The following ACOXL variants were observed in gnomAD, a reference collection of about 807,000 sequenced individuals.
ACOXL encodes the protein acyl-coenzyme A oxidase-like protein.
Under a neutral mutation model 71.9 loss-of-function variants are expected in ACOXL, and 70 were observed. The observed-to-expected ratio is 0.97, with a 90% CI of 0.80 to 1.19. The LOEUF (loss-of-function observed/expected upper bound fraction) is 1.19, where lower values mean the gene tolerates loss of function less well. Ranked by LOEUF, ACOXL falls within the 50% of genes most tolerant of loss-of-function variation. ACOXL has a pLI of 0.00. For synonymous variants in ACOXL, 253 were observed against 281.6 expected, an observed-to-expected ratio of 0.90 and a Z score of 1.02; for missense variants, 703 against 736.3, an observed-to-expected ratio of 0.95 and a Z score of 0.52.
chr2:110,819,090 T>C (rs1421862126), intron 9 of ACOXL, among the ~76,000 whole-genome samples: 1 of 152,150 alleles, frequency 6.6e-6, no homozygotes, highest in African/African-American at 2.4e-5. Context: ...GGTTTTGACA[T>C]GATGCCACGC....
intron 10 of ACOXL, among the ~76,000 whole-genome samples, chr2:110,898,214 G>A (rs1194035709): frequency 6.6e-6 from 1 of 151,998 alleles, no homozygotes; most frequent in Admixed American, 6.6e-5. Context: ...AACAGAAGCA[G>A]AAAGAACACT....
At chr2:110,984,030 G>C (rs1275507396) in intron 12 of ACOXL, among the ~76,000 whole-genome samples, 1 of 151,994 alleles carries the variant, frequency 6.6e-6, no homozygotes, top group Admixed American at 6.5e-5. Flanking sequence ...GTTTTTGGTA[G>C]AGACGGGGTT....
intron 9 of ACOXL, among the ~76,000 whole-genome samples, chr2:110,815,590 C>T (rs1422832439): frequency 6.6e-6 from 1 of 151,730 alleles, no homozygotes; most frequent in African/African-American, 2.4e-5. Flanking sequence ...GAGCAAAGTC[C>T]CCTGCTTCTG....
At chr2:110,999,071 CACAG>C (rs753712553) in intron 14 of ACOXL, among the ~76,000 whole-genome samples, 2 of 152,100 alleles carry the variant, frequency 1.3e-5, no homozygotes, top group East Asian at 1.9e-4. Flanking sequence ...GACAAAATAC[CACAG>C]ACAGAGTGCC....
At chr2:110,868,092 G>T (rs1694834518) in intron 10 of ACOXL, among the ~76,000 whole-genome samples, 1 of 152,184 alleles carries the variant, frequency 6.6e-6, no homozygotes, top group Admixed American at 6.5e-5. Flanking sequence ...AAATGCAGGG[G>T]AACTGATTTA....
chr2:111,063,724 A>G (rs1052410142), intron 16 of ACOXL, among the ~76,000 whole-genome samples: 2 of 152,214 alleles, frequency 1.3e-5, no homozygotes, highest in African/African-American at 4.8e-5. Context: ...AACAAGGCAA[A>G]GTTTGGTCTT....
At chr2:110,882,497 C>A (rs1176581602) in intron 10 of ACOXL, among the ~76,000 whole-genome samples, 5 of 151,676 alleles carry the variant, frequency 3.3e-5, no homozygotes, top group Non-Finnish European at 5.9e-5. Context: ...TATTTTTTTT[C>A]TTTTATGGAT....
chr2:111,045,684 G>T (rs1469399848), intron 15 of ACOXL, among the ~76,000 whole-genome samples: 1 of 152,178 alleles, frequency 6.6e-6, no homozygotes. Context: ...TGAGAGTGGG[G>T]TGAGGGGAGA....
intron 16 of ACOXL, among the ~76,000 whole-genome samples, chr2:111,084,713 CA>C (rs890211082): frequency 1.3e-5 from 2 of 152,126 alleles, no homozygotes; most frequent in African/African-American, 4.8e-5. Flanking sequence ...CAAATCCACA[CA>C]TATCAATACT....
chr2:110,891,988 C>A (rs1199294434), intron 10 of ACOXL, among the ~76,000 whole-genome samples: 1 of 151,896 alleles, frequency 6.6e-6, no homozygotes, highest in African/African-American at 2.4e-5. Flanking sequence ...TTCTAGTATC[C>A]AAAGATCTTA....
At chr2:110,875,319 A>C (rs1573942888) in intron 10 of ACOXL, among the ~76,000 whole-genome samples, 1 of 152,230 alleles carries the variant, frequency 6.6e-6, no homozygotes, top group East Asian at 1.9e-4. Flanking sequence ...GAGTCACCAC[A>C]CACTTCTGCT....
chr2:110,871,602 T>TGA (rs1695284021), intron 10 of ACOXL, among the ~76,000 whole-genome samples: 1 of 152,112 alleles, frequency 6.6e-6, no homozygotes. Context: ...AAAGGGGTCT[T>TGA]ACATCACTGC....
intron 12 of ACOXL, among the ~76,000 whole-genome samples, chr2:110,969,789 C>T (rs1002171483): frequency 6.8e-6 from 1 of 147,272 alleles, no homozygotes; most frequent in East Asian, 2.0e-4. Context: ...CCAGCCTGGG[C>T]GACAGAGTGA....
At chr2:110,793,347 C>T (rs954832139) in intron 3 of ACOXL, among the ~76,000 whole-genome samples, 2 of 152,198 alleles carry the variant, frequency 1.3e-5, no homozygotes, top group Non-Finnish European at 2.9e-5. Flanking sequence ...TAAGCTAGAT[C>T]CTGAGAGGAC....
At chr2:111,050,599 A>G (rs2066244009) in intron 16 of ACOXL, among the ~76,000 whole-genome samples, 1 of 151,592 alleles carries the variant, frequency 6.6e-6, no homozygotes, top group African/African-American at 2.4e-5. Flanking sequence ...TTCTCCTACC[A>G]TTTGCTTCTT....
chr2:110,947,441 A>C (rs2061150689), intron 12 of ACOXL, among the ~76,000 whole-genome samples: 1 of 152,088 alleles, frequency 6.6e-6, no homozygotes, highest in Admixed American at 6.5e-5. Flanking sequence ...TGTGGTTGGA[A>C]TCTCATGGTC....
intron 1 of ACOXL, among the ~76,000 whole-genome samples, chr2:110,756,932 G>A (rs115735564): frequency 8.7e-4 from 133 of 152,030 alleles, no homozygotes; most frequent in African/African-American, 3.2e-3. Context: ...ACATGTGCAG[G>A]ATGTGCACAT....
chr2:110,919,732 C>T (rs181102869), intron 11 of ACOXL, among the ~76,000 whole-genome samples: 17 of 152,314 alleles, frequency 1.1e-4, no homozygotes, highest in African/African-American at 4.1e-4. Flanking sequence ...CTTCTTCCCA[C>T]AGTCTTACCC....
intron 3 of ACOXL, among the ~76,000 whole-genome samples, chr2:110,788,091 G>A (rs1484850389): frequency 6.6e-6 from 1 of 152,182 alleles, no homozygotes; most frequent in East Asian, 1.9e-4. Context: ...TTCTCAAAAA[G>A]TAGGACATAA....
Sources: allele counts gnomAD v4.1 joint callset (sites outside exome capture counted in the v4.1 genomes callset), GRCh38; gene constraint gnomAD v4.1.1; transcripts MANE v1.5; gene names NCBI Gene and HGNC (gene_info 2026-07-23, HGNC 2026-07-21).